The following HEG1 variants were observed in gnomAD, a reference collection of about 807,000 sequenced individuals.
The protein encoded by HEG1 is heart development protein with EGF like domains 1, also known as protein HEG homolog 1.
Under a neutral mutation model 125.6 loss-of-function variants are expected in HEG1, and 56 were observed. That is an observed-to-expected ratio of 0.45 (90% CI 0.36 to 0.56). HEG1 has a LOEUF of 0.56. Among genes scored for constraint, HEG1 ranks in the 20% least tolerant of loss-of-function variants. The pLI is 0.00. For missense variants in HEG1, 1,523 were observed against 1,670.0 expected (o/e 0.91, Z 1.53); for synonymous variants, 644 against 668.5 (o/e 0.96, Z 0.57).
rs1579411919 is a variant in HEG1, at chr3:125,005,248, C to T, written c.3297+17G>A. The T allele has an allele frequency of 4.9e-6, 7 of 1,435,150 alleles. No individual in the cohort carries two copies. The African/African-American group carries it at 5.7e-5, about 12-fold the overall frequency. The allele number at this position is 1,435,150 out of a possible 1,614,324, so 88.9% of individuals were successfully genotyped here. On this transcript the variant is annotated intron_variant, in intron 9 of 16. Coordinates refer to ENST00000311127, the MANE Select transcript of HEG1 (RefSeq NM_020733.2). ...GAAACAAAAGACGAGTAGAAAGATG[C>T]CATTCAGGACACTTACCGTTTTGGT...
At position 124,977,924 on chromosome 3, in the gene HEG1, C is replaced by A; in HGVS notation, c.3756G>T (p.Val1252=). ...CGNPYQLITV[V]IAAAGGGLLL... ...GGAGCCCACCTCCCGCGGCTGCGAT[C>A]ACCACAGTGATAAGCTGATAGGCTA... is the stretch of plus-strand genomic sequence containing the variant. The change falls in exon 15 of 17, where the codon GTG becomes GTT. Residue 1252 remains valine (V), a synonymous_variant. Coordinates refer to ENST00000311127, the MANE Select transcript of HEG1 (RefSeq NM_020733.2). The A allele has an allele frequency of 6.3e-7, 1 of 1,578,720 alleles. No homozygotes were observed. Among genetic ancestry groups the A allele is most frequent in the South Asian group, 1.2e-5 (1 of 85,634 alleles).
intron 3 of HEG1, among the ~76,000 whole-genome samples, chr3:125,025,363 T>C (rs944452566): frequency 6.6e-6 from 1 of 152,190 alleles, no homozygotes; most frequent in African/African-American, 2.4e-5. Flanking sequence ...GAGCCATCTC[T>C]AATATCTAAA....
intron 11 of HEG1, among the ~76,000 whole-genome samples, chr3:124,998,206 A>G (rs1470612883): frequency 6.6e-6 from 1 of 152,184 alleles, no homozygotes; most frequent in Non-Finnish European, 1.5e-5. Flanking sequence ...GCACAACCAG[A>G]AAATACGGCT....
chr3:125,010,403 G>C (rs1174166807), intron 7 of HEG1, 36 bp downstream of exon 7: 3 of 1,333,266 alleles, frequency 2.3e-6, no homozygotes, highest in Admixed American at 4.0e-5. Flanking sequence ...ACGTGGTACT[G>C]TGGTGCAGAC....
chr3:125,020,883 T>A lies in HEG1; in HGVS notation c.1161A>T (p.Val387=). 2 of 1,614,050 alleles carry A rather than the reference T, an allele frequency of 1.2e-6. No homozygotes were observed. The highest frequency in any genetic ancestry group is 8.5e-7 in the Non-Finnish European group (1 of 1,179,892). The part of the protein sequence containing the change: ...SAVESRRNSR[V]TGNPGDEEFI... ...ATTCCTCATCCCCTGGATTCCCAGT[T>A]ACTCTACTGTTTCTTCTCGATTCCA... The change falls in exon 4 of 17, where the codon GTA becomes GTT. Residue 387 remains valine (V), a synonymous_variant. Transcript: ENST00000311127.
chr3:125,052,245 T>C (rs1306738486), intron 1 of HEG1, among the ~76,000 whole-genome samples: 1 of 151,410 alleles, frequency 6.6e-6, no homozygotes, highest in African/African-American at 2.4e-5. Flanking sequence ...AGCCGCCTTC[T>C]GGAGGGAAGC....
rs571382229 is a variant in HEG1, at chr3:124,990,399, C to T, written c.3733+388G>A. Among the ~76,000 whole-genome samples, 8 of 151,204 alleles carry T rather than the reference C, an allele frequency of 5.3e-5. No homozygotes were observed. The East Asian group carries it at 9.7e-4, about 18-fold the overall frequency. ...TGTAACCCAGGCTGAAGTGCAGTGG[C>T]GTGATCTTGGCTCACTGCAACCTCC... is the stretch of plus-strand genomic sequence containing the variant. On this transcript the variant is annotated intron_variant, in intron 14 of 16. Coordinates refer to ENST00000311127, the MANE Select transcript of HEG1 (RefSeq NM_020733.2).
chr3:125,051,374 G>A (rs1206459445), intron 1 of HEG1, among the ~76,000 whole-genome samples: 1 of 152,200 alleles, frequency 6.6e-6, no homozygotes, highest in Non-Finnish European at 1.5e-5. Context: ...GGATCTTAGA[G>A]ATCTAGGACA....
At chr3:125,014,907 G>T (rs1291336846) in intron 5 of HEG1, 3 of 1,289,768 alleles carry the variant, frequency 2.3e-6, no homozygotes, top group Non-Finnish European at 3.0e-6. Context: ...TCCAGTGACA[G>T]TAGCCAAGGT....
intron 5 of HEG1, among the ~76,000 whole-genome samples, chr3:125,015,245 C>G (rs1250381747): frequency 6.6e-6 from 1 of 152,210 alleles, no homozygotes; most frequent in Non-Finnish European, 1.5e-5. Context: ...GGGTATATTA[C>G]TTTAGCAAAT....
At chr3:125,003,316 G>A (rs572836071) in intron 9 of HEG1, among the ~76,000 whole-genome samples, 9 of 152,274 alleles carry the variant, frequency 5.9e-5, no homozygotes, top group East Asian at 3.9e-4. Flanking sequence ...GTCACTGAGC[G>A]CCACGTAATG....
intron 1 of HEG1, among the ~76,000 whole-genome samples, chr3:125,037,996 GGTACACA>G (rs1356506894): frequency 1.4e-4 from 22 of 152,200 alleles, no homozygotes; most frequent in African/African-American, 5.3e-4. Context: ...AAGAGTGCCT[GGTACACA>G]GTGAATGCTA....
At chr3:125,031,058 G>A (rs938336047) in intron 1 of HEG1, among the ~76,000 whole-genome samples, 1 of 152,170 alleles carries the variant, frequency 6.6e-6, no homozygotes, top group Non-Finnish European at 1.5e-5. Context: ...AGTTAAAAAT[G>A]TTCTGAGGAT....
chr3:124,998,868 T>C (rs1019721739), intron 11 of HEG1, among the ~76,000 whole-genome samples: 1 of 152,138 alleles, frequency 6.6e-6, no homozygotes, highest in African/African-American at 2.4e-5. Context: ...GCTGTTGTTA[T>C]TGGGGGGCAA....
At position 124,991,397 on chromosome 3, in the gene HEG1, C is replaced by T. The variant is rs575456139; in HGVS notation, c.3653-411G>A. 5.1e-4 allele frequency among the ~76,000 whole-genome samples: 78 copies of T among 152,140 alleles called. No homozygotes were observed. In the Middle Eastern group the frequency reaches 0.014, roughly 27 times the overall value. On this transcript the variant is annotated intron_variant, in intron 12 of 16. Coordinates refer to ENST00000311127, the MANE Select transcript of HEG1 (RefSeq NM_020733.2). Reference sequence around the variant, plus strand: ...ACTCCTGAGTTCAAAGTGATCTGCCCGCCTCTGCCTCCCAAAGTGCTGGGA... The same window carrying T: ...ACTCCTGAGTTCAAAGTGATCTGCCTGCCTCTGCCTCCCAAAGTGCTGGGA...
intron 1 of HEG1, among the ~76,000 whole-genome samples, chr3:125,042,698 C>T (rs1036773888): frequency 3.3e-5 from 5 of 152,196 alleles, no homozygotes; most frequent in African/African-American, 1.2e-4. Context: ...TCCCAGTCCC[C>T]TTCAGACAGC....
chr3:125,007,198 CAAAAAA>C lies in HEG1; in HGVS notation c.3194-1836_3194-1831del, dbSNP rs1212172102. Reference sequence around the variant, plus strand: ...TGGGCGACAGAGCGAGACTCCGTCTCAAAAAAAAAAAAAAAAAAAAAAGAAATTCAC... The same window carrying C: ...TGGGCGACAGAGCGAGACTCCGTCTCAAAAAAAAAAAAAAAAGAAATTCAC... On this transcript the variant is annotated intron_variant, in intron 8 of 16. Coordinates refer to ENST00000311127, the MANE Select transcript of HEG1 (RefSeq NM_020733.2). 4.6e-4 allele frequency among the ~76,000 whole-genome samples: 25 copies of C among 54,706 alleles called. No individual in the cohort carries two copies. In the South Asian group the frequency reaches 4.8e-3, roughly 11 times the overall value. 35.9% of individuals were successfully genotyped at this position (54,706 alleles called of 152,430 possible). A position where few individuals can be genotyped will look rare whatever the true frequency, so the allele number is the denominator to read the frequency against.
chr3:124,969,067 A>G lies in HEG1; in HGVS notation c.*1585T>C, dbSNP rs1198836097. ...TAAGAATAGGGATTATATTTAGAGGACCTTGAAGAAACAACCATGCCCGGG... is the reference window on the plus strand; with the variant it reads ...TAAGAATAGGGATTATATTTAGAGGGCCTTGAAGAAACAACCATGCCCGGG... On this transcript the variant is annotated 3_prime_UTR_variant, in exon 17 of 17. Coordinates refer to ENST00000311127, the MANE Select transcript of HEG1 (RefSeq NM_020733.2). The G allele has an allele frequency of 6.6e-6, 1 of 152,156 alleles. No homozygotes were observed. The highest frequency in any genetic ancestry group is 1.5e-5 in the Non-Finnish European group (1 of 68,030). 9.4% of individuals were successfully genotyped at this position (152,156 alleles called of 1,614,324 possible). A position where few individuals can be genotyped will look rare whatever the true frequency, so the allele number is the denominator to read the frequency against.
At chr3:124,981,730 G>A (rs755010792) in intron 14 of HEG1, among the ~76,000 whole-genome samples, 16 of 152,202 alleles carry the variant, frequency 1.1e-4, no homozygotes, top group Admixed American at 6.5e-5. Context: ...GAGAGAAAGA[G>A]CCTGGGAGGA....
Sources: gnomAD v4.1 joint callset for allele counts (sites outside exome capture counted in the v4.1 genomes callset) on GRCh38, gnomAD v4.1.1 for gene constraint, MANE v1.5 for transcripts, NCBI Gene and HGNC (gene_info 2026-07-23, HGNC 2026-07-21) for gene names.